The following TANGO6 variants were observed in gnomAD, a reference collection of about 807,000 sequenced individuals.
The protein encoded by TANGO6 is transport and golgi organization 6 homolog, also known as transport and Golgi organization protein 6 homolog.
TANGO6 carries 90 observed loss-of-function variants against 114.2 expected under a neutral mutation model. That is an observed-to-expected ratio of 0.79 (90% CI 0.66 to 0.94). The LOEUF (loss-of-function observed/expected upper bound fraction) is 0.94, where lower values mean the gene tolerates loss of function less well. Among genes scored for constraint, TANGO6 ranks in the 40% least tolerant of loss-of-function variants. The pLI, the probability that TANGO6 is intolerant of heterozygous loss-of-function variation, is 0.00. For synonymous variants in TANGO6, 477 were observed against 509.8 expected, an observed-to-expected ratio of 0.94 and a Z score of 0.87; for missense variants, 1,274 against 1,315.3, an observed-to-expected ratio of 0.97 and a Z score of 0.49.
At chr16:68,953,963 G>A (rs1337113068) in intron 14 of TANGO6, among the ~76,000 whole-genome samples, 1 of 152,150 alleles carries the variant, frequency 6.6e-6, no homozygotes, top group Non-Finnish European at 1.5e-5. Flanking sequence ...GAGGAGACCA[G>A]GCACAGTGGC....
At chr16:69,018,139 C>CTCTTTTTTTTTTTTTT (rs1959335095) in intron 15 of TANGO6, among the ~76,000 whole-genome samples, 1 of 77,076 alleles carries the variant, frequency 1.3e-5, no homozygotes, top group African/African-American at 4.7e-5. Context: ...TTGGAAATCT[C>CTCTTTTTTTTTTTTTT]TTTTTTTTTT....
chr16:68,968,567 GTT>G (rs1401870338), intron 14 of TANGO6, among the ~76,000 whole-genome samples: 46 of 151,346 alleles, frequency 3.0e-4, no homozygotes, highest in Middle Eastern at 6.9e-3. Context: ...GTTTCACCAT[GTT>G]GGTCAGGCTG....
intron 14 of TANGO6, among the ~76,000 whole-genome samples, chr16:68,949,190 A>G (rs1456605978): frequency 6.6e-6 from 1 of 152,096 alleles, no homozygotes; most frequent in African/African-American, 2.4e-5. Flanking sequence ...CCGTCTCAAA[A>G]AGAAAGAAAG....
At chr16:68,891,721 A>C (rs377113081) in intron 7 of TANGO6, among the ~76,000 whole-genome samples, 6 of 152,232 alleles carry the variant, frequency 3.9e-5, no homozygotes, top group Admixed American at 2.0e-4. Context: ...CCATGGCTGA[A>C]GTTCTATGAT....
At chr16:68,868,857 T>C (rs1962222190) in intron 4 of TANGO6, among the ~76,000 whole-genome samples, 1 of 152,188 alleles carries the variant, frequency 6.6e-6, no homozygotes, top group Admixed American at 6.6e-5. Context: ...ATCATGTATC[T>C]ACCTCTCACC....
intron 14 of TANGO6, among the ~76,000 whole-genome samples, chr16:68,933,196 C>G (rs936194079): frequency 1.3e-5 from 2 of 152,182 alleles, no homozygotes; most frequent in Non-Finnish European, 1.5e-5. Flanking sequence ...GGTTGGATCA[C>G]CTGAAGTCAG....
chr16:69,068,233 G>C (rs1960247852), intron 17 of TANGO6, among the ~76,000 whole-genome samples: 1 of 152,016 alleles, frequency 6.6e-6, no homozygotes, highest in Admixed American at 6.6e-5. Flanking sequence ...GAGCTTCAAG[G>C]CTGCATGCAG....
chr16:68,857,771 T>C (rs1469506729), intron 1 of TANGO6, among the ~76,000 whole-genome samples: 3 of 152,198 alleles, frequency 2.0e-5, no homozygotes, highest in Admixed American at 1.3e-4. Context: ...TAATGACATA[T>C]GATATTGGGC....
intron 14 of TANGO6, among the ~76,000 whole-genome samples, chr16:68,963,434 C>T (rs1177892936): frequency 6.6e-6 from 1 of 152,204 alleles, no homozygotes; most frequent in Non-Finnish European, 1.5e-5. Flanking sequence ...CTACTTTTTA[C>T]ACCCTAGTTC....
chr16:68,909,477 G>A (rs901524488), intron 11 of TANGO6, 75 bp downstream of exon 11: 2 of 1,355,472 alleles, frequency 1.5e-6, no homozygotes, highest in African/African-American at 3.0e-5. Flanking sequence ...GTTGCTGAGA[G>A]TGTGATTTGA....
At position 68,998,794 on chromosome 16, in the gene TANGO6, C is replaced by A. The variant is rs114391276; in HGVS notation, c.2843-24034C>A. ...TTAGTCTTATTAAACTTGGCCTGAT[C>A]ATGTATATAAAGTGCAGCAAGAATA... On this transcript the variant is annotated intron_variant, in intron 15 of 17. Coordinates refer to ENST00000261778, the MANE Select transcript of TANGO6 (RefSeq NM_024562.2). Among the ~76,000 whole-genome samples, 1,413 of 151,574 alleles carry A rather than the reference C, an allele frequency of 9.3e-3. 19 individuals are homozygous for A. Among genetic ancestry groups the A allele is most frequent in the African/African-American group, 0.032 (1,338 of 41,340 alleles).
intron 17 of TANGO6, among the ~76,000 whole-genome samples, 167 bp downstream of exon 17, chr16:69,040,588 C>T (rs1173766523): frequency 2.0e-5 from 3 of 152,112 alleles, no homozygotes; most frequent in African/African-American, 7.2e-5. Flanking sequence ...TTTGTATCTT[C>T]GGTGTATGTC....
At chr16:68,888,907 G>A (rs991713319) in intron 7 of TANGO6, among the ~76,000 whole-genome samples, 4 of 152,292 alleles carry the variant, frequency 2.6e-5, no homozygotes, top group African/African-American at 9.6e-5. Flanking sequence ...CTGCCTCCTA[G>A]GTTCAAGTGG....
chr16:68,892,946 T>C (rs1015662613), intron 7 of TANGO6, among the ~76,000 whole-genome samples: 10 of 152,234 alleles, frequency 6.6e-5, no homozygotes, highest in Non-Finnish European at 1.2e-4. Flanking sequence ...GGTATTTTGT[T>C]TGGGGATCCC....
chr16:68,911,596 T>C (rs1962924224), intron 11 of TANGO6, among the ~76,000 whole-genome samples: 1 of 152,142 alleles, frequency 6.6e-6, no homozygotes, highest in Admixed American at 6.6e-5. Context: ...TTTCTATTTT[T>C]AGTAGAGACG....
At chr16:68,943,426 C>T (rs983440346) in intron 14 of TANGO6, among the ~76,000 whole-genome samples, 7 of 149,498 alleles carry the variant, frequency 4.7e-5, no homozygotes, top group African/African-American at 1.7e-4. Context: ...TGCAGTGGCG[C>T]AGTCTTGGCT....
intron 4 of TANGO6, chr16:68,867,837 AATAATC>A (rs1962203006): frequency 6.6e-6 from 1 of 151,656 alleles, no homozygotes; most frequent in Admixed American, 6.6e-5. Flanking sequence ...ACTTTGTCTC[AATAATC>A]ATAATAATAA....
Position 68,909,397 on chromosome 16 carries a change from AC to A in TANGO6, c.1988del (p.Thr663IlefsTer7). On this transcript the variant is annotated frameshift_variant, in exon 11 of 18. Coordinates refer to ENST00000261778, the MANE Select transcript of TANGO6 (RefSeq NM_024562.2). LOFTEE classifies it high-confidence loss of function. ...RMSEQIFTNVTQVVDFVAATL... is the reference protein window; with the variant it reads ...RMSEQIFTNVXQVVDFVAATL... ...GTCTGAGCAGATATTCACAAACGTC[AC>A]TCAGGTCAGTAGTTGCCACATTCTG... The A allele has an allele frequency of 6.5e-7, 1 of 1,527,584 alleles. No homozygotes were observed. Among genetic ancestry groups the A allele is most frequent in the Non-Finnish European group, 8.8e-7 (1 of 1,131,744 alleles). The allele number at this position is 1,527,584 out of a possible 1,614,324, so 94.6% of individuals were successfully genotyped here.
intron 17 of TANGO6, among the ~76,000 whole-genome samples, chr16:69,073,362 TC>T (rs1960324071): frequency 6.6e-6 from 1 of 152,192 alleles, no homozygotes. Context: ...GGAAATGACT[TC>T]CTTTGCTTCC....
Sources: allele counts gnomAD v4.1 joint callset (sites outside exome capture counted in the v4.1 genomes callset), GRCh38; gene constraint gnomAD v4.1.1; transcripts MANE v1.5; gene names NCBI Gene and HGNC (gene_info 2026-07-23, HGNC 2026-07-21).